Variants in SRI observed in about 807,000 individuals in gnomAD.
SRI encodes the protein sorcin, also known as 22 kDa protein.
In SRI, 30 loss-of-function variants were observed where a neutral mutation model predicts 33.3. The observed-to-expected ratio is 0.90, with a 90% CI of 0.67 to 1.22. The LOEUF (loss-of-function observed/expected upper bound fraction) is 1.22, where lower values mean the gene tolerates loss of function less well. Ranked by LOEUF, SRI falls within the 50% of genes most tolerant of loss-of-function variation. The pLI, the probability that SRI is intolerant of heterozygous loss-of-function variation, is 0.00. For missense variants in SRI, 243 were observed against 250.8 expected (o/e 0.97, Z 0.21); for synonymous variants, 75 against 89.9 (o/e 0.83, Z 0.94).
chr7:88,209,251 A>C (rs1452065275), intron 6 of SRI, 88 bp downstream of exon 6: 3 of 1,079,004 alleles, frequency 2.8e-6, no homozygotes, highest in Non-Finnish European at 4.1e-6. Flanking sequence ...AAATTTGGGA[A>C]GAATAAAAGT....
intron 2 of SRI, among the ~76,000 whole-genome samples, 172 bp from the exon 3 acceptor site, chr7:88,217,363 C>G (rs1221127261): frequency 6.6e-6 from 1 of 151,942 alleles, no homozygotes; most frequent in Non-Finnish European, 1.5e-5. Flanking sequence ...CATTCTTTTC[C>G]TTAACCCACT....
At chr7:88,210,966 C>A in intron 3 of SRI, 41 bp from the exon 4 acceptor site, 1 of 1,466,764 alleles carries the variant, frequency 6.8e-7, no homozygotes, top group South Asian at 1.1e-5. Flanking sequence ...AACACAAATC[C>A]AAAAATTCAC....
intron 7 of SRI, 86 bp downstream of exon 7, chr7:88,208,421 G>A: frequency 6.4e-7 from 1 of 1,564,148 alleles, no homozygotes; most frequent in Non-Finnish European, 8.7e-7. Flanking sequence ...TTAACCTTAA[G>A]ATATTCTTAA....
At chr7:88,215,494 C>T (rs960075139) in intron 3 of SRI, among the ~76,000 whole-genome samples, 3 of 152,152 alleles carry the variant, frequency 2.0e-5, no homozygotes, top group Admixed American at 6.5e-5. Flanking sequence ...AGCTCAATTG[C>T]GTAACAATTA....
At chr7:88,223,014 C>T (rs555872986), upstream of SRI, among the ~76,000 whole-genome samples, 1 of 152,090 alleles carries the variant, frequency 6.6e-6, no homozygotes, top group South Asian at 2.1e-4. Context: ...TCTAATTAAA[C>T]TAAAGAGCTT....
intron 3 of SRI, 139 bp downstream of exon 3, chr7:88,216,983 T>C (rs1851736633): frequency 2.5e-6 from 2 of 791,712 alleles, no homozygotes; most frequent in South Asian, 1.4e-5. Flanking sequence ...TTTGAAATAG[T>C]ACTGTATTTT....
chr7:88,221,258 C>T (rs1851882742), upstream of SRI, among the ~76,000 whole-genome samples: 1 of 152,204 alleles, frequency 6.6e-6, no homozygotes, highest in Non-Finnish European at 1.5e-5. Flanking sequence ...CATTGTTTTT[C>T]TCTTGTGTGT....
intron 2 of SRI, 71 bp downstream of exon 2, chr7:88,218,788 G>T: frequency 6.8e-7 from 1 of 1,469,942 alleles, no homozygotes; most frequent in Non-Finnish European, 9.5e-7. Context: ...TCGCTTTTCT[G>T]TGTCACTATA....
chr7:88,220,107 G>A (rs1379646335), upstream of SRI: 1 of 1,427,376 alleles, frequency 7.0e-7, no homozygotes, highest in African/African-American at 1.5e-5. Context: ...TGCCGCTAGG[G>A]GGCCGCCCCA....
upstream of SRI, among the ~76,000 whole-genome samples, chr7:88,222,394 A>T (rs1407499761): frequency 6.7e-6 from 1 of 148,150 alleles, no homozygotes; most frequent in East Asian, 2.0e-4. Context: ...CTGGTGTGAG[A>T]TGGTATCTCA....
rs766222243 is a variant in SRI, at chr7:88,210,865, A to C, written c.249+17T>G. 3 of 1,611,652 alleles carry C rather than the reference A, an allele frequency of 1.9e-6. No homozygotes were observed. Among genetic ancestry groups the C allele is most frequent in the Middle Eastern group, 1.7e-4 (1 of 6,020 alleles). ...TTAGAAAAAATTATTCTAGACAACA[A>C]TCAAAGTAAAGGATACATCCAGCAT... On this transcript the variant is annotated intron_variant, in intron 4 of 7. Transcript: ENST00000265729.
intron 3 of SRI, among the ~76,000 whole-genome samples, chr7:88,214,340 G>A (rs944776922): frequency 6.6e-6 from 1 of 152,156 alleles, no homozygotes; most frequent in African/African-American, 2.4e-5. Context: ...TTTGGTCAGG[G>A]GAGGGTGCAT....
At chr7:88,226,969 T>G in exon 1 of SRI, 1 of 1,612,076 alleles carries the variant, frequency 6.2e-7, no homozygotes, top group South Asian at 1.1e-5. Flanking sequence ...ATTGCCTTCT[T>G]GCAGAGTGGC....
upstream of SRI, among the ~76,000 whole-genome samples, chr7:88,223,357 C>T (rs923430520): frequency 6.6e-6 from 1 of 152,098 alleles, no homozygotes; most frequent in Non-Finnish European, 1.5e-5. Context: ...GGGGAAGGAA[C>T]AGAACAGAGC....
upstream of SRI, among the ~76,000 whole-genome samples, chr7:88,223,212 C>A (rs1851928340): frequency 2.6e-5 from 4 of 152,314 alleles, no homozygotes; most frequent in South Asian, 8.3e-4. Context: ...ATTGTGGCAA[C>A]TTATAATACC....
chr7:88,222,123 A>T (rs1324371243), upstream of SRI, among the ~76,000 whole-genome samples: 1 of 137,692 alleles, frequency 7.3e-6, no homozygotes. Context: ...AGTCTTTGCT[A>T]TTGTGAATAA....
At chr7:88,210,994 C>A in intron 3 of SRI, 69 bp from the exon 4 acceptor site, 1 of 1,176,918 alleles carries the variant, frequency 8.5e-7, no homozygotes, top group South Asian at 1.3e-5. Context: ...TGGATACATT[C>A]AAATTAATTA....
Position 88,217,127 on chromosome 7 carries a change from T to C in SRI, c.200A>G (p.Tyr67Cys), listed in dbSNP as rs1422256131. The change falls in exon 3 of 8, where the codon TAC (tyrosine) becomes TGC (cysteine). Residue 67 changes from tyrosine to cysteine, a missense_variant. Coordinates refer to ENST00000265729, the MANE Select transcript of SRI (RefSeq NM_003130.4). The stretch of plus-strand genomic sequence containing the variant: ...CTTTGGGACTGTCAACTTACGTTTG[T>C]ATCCTCCAGCAATGCCAGACTGTGT... ...CLTQSGIAGG[Y>C]KPFNLETCRL... is the part of the protein sequence containing the mutation. 3.1e-6 allele frequency: 5 copies of C among 1,613,750 alleles called. No individual in the cohort carries two copies. Among genetic ancestry groups the C allele is most frequent in the Non-Finnish European group, 4.2e-6 (5 of 1,179,964 alleles).
At chr7:88,223,566 A>G (rs371053397), upstream of SRI, among the ~76,000 whole-genome samples, 6 of 152,246 alleles carry the variant, frequency 3.9e-5, no homozygotes, top group East Asian at 1.9e-4. Context: ...GTAGGCCACA[A>G]GTATCCATAG....
Sources: gnomAD v4.1 joint callset for allele counts (sites outside exome capture counted in the v4.1 genomes callset) on GRCh38, gnomAD v4.1.1 for gene constraint, MANE v1.5 for transcripts, NCBI Gene and HGNC (gene_info 2026-07-23, HGNC 2026-07-21) for gene names.